Variants in MED12L observed in about 807,000 individuals in gnomAD.
MED12L encodes mediator complex subunit 12L, also known as mediator of RNA polymerase II transcription subunit 12-like protein.
Under a neutral mutation model 281.3 loss-of-function variants are expected in MED12L, and 60 were observed. The ratio of observed to expected loss-of-function variants is 0.21; its 90% CI spans 0.17 to 0.26. MED12L has a LOEUF of 0.26. Ranked by LOEUF, MED12L falls within the 10% of genes least tolerant of loss-of-function variation. MED12L has a pLI of 1.00. For synonymous variants in MED12L, 974 were observed against 987.2 expected (o/e 0.99, Z 0.25); for missense variants, 2,146 against 2,680.9 (o/e 0.80, Z 4.41).
intron 16 of MED12L, chr3:151,300,344 T>C: frequency 1.7e-6 from 1 of 577,820 alleles, no homozygotes; most frequent in Non-Finnish European, 3.1e-6. Flanking sequence ...CACACAGAGT[T>C]GCCCTCTTTC....
chr3:151,180,824 A>G (rs1167695598), intron 11 of MED12L, among the ~76,000 whole-genome samples: 1 of 152,226 alleles, frequency 6.6e-6, no homozygotes, highest in Non-Finnish European at 1.5e-5. Context: ...GACATTTTGT[A>G]AATTTAATTT....
At chr3:151,338,529 A>G in intron 16 of MED12L, 5 of 1,614,030 alleles carry the variant, frequency 3.1e-6, no homozygotes, top group Non-Finnish European at 4.2e-6. Context: ...ATACATTGTG[A>G]AATAAAATAT....
chr3:151,140,040 G>A (rs1716704278), intron 5 of MED12L, among the ~76,000 whole-genome samples: 1 of 152,150 alleles, frequency 6.6e-6, no homozygotes, highest in Admixed American at 6.5e-5. Flanking sequence ...GAAGTTTAAG[G>A]AATGCCATCT....
At chr3:151,371,171 T>C (rs1178234023) in intron 26 of MED12L, among the ~76,000 whole-genome samples, 1 of 152,200 alleles carries the variant, frequency 6.6e-6, no homozygotes, top group African/African-American at 2.4e-5. Flanking sequence ...TCTTTTCTTA[T>C]TTGCAGAAGC....
intron 39 of MED12L, among the ~76,000 whole-genome samples, chr3:151,395,963 T>C (rs1714910220): frequency 6.6e-6 from 1 of 152,206 alleles, no homozygotes; most frequent in Non-Finnish European, 1.5e-5. Flanking sequence ...TTAGTCATTA[T>C]AAGGACAAGA....
intron 43 of MED12L, among the ~76,000 whole-genome samples, chr3:151,423,526 C>A (rs914219181): frequency 4.3e-4 from 65 of 152,122 alleles, no homozygotes; most frequent in African/African-American, 1.5e-3. Context: ...CATCTACTTA[C>A]TTCAGTTGCT....
rs1044755371 is a variant in MED12L, at chr3:151,434,551, G to T, written c.*1747G>T. On this transcript the variant is annotated 3_prime_UTR_variant, in exon 45 of 45. Transcript: ENST00000687756. ...GTATCATCTATCTGTACACATTTTTGCTGGTTTTGTATATCAGATTTTTTC... is the reference window on the plus strand; with the variant it reads ...GTATCATCTATCTGTACACATTTTTTCTGGTTTTGTATATCAGATTTTTTC... 6.6e-6 allele frequency: 1 copy of T among 152,168 alleles called. No homozygotes were observed. Among genetic ancestry groups the T allele is most frequent in the South Asian group, 2.1e-4 (1 of 4,836 alleles). The allele number at this position is 152,168 out of a possible 1,614,324, so 9.4% of individuals were successfully genotyped here.
In MED12L at chr3:151,388,104, A is replaced by G. The variant is rs1271234412; in HGVS notation, c.5383A>G (p.Thr1795Ala). The change falls in exon 37 of 45, where the codon ACC becomes GCC. Residue 1795 changes from threonine to alanine, a missense_variant. This residue lies in a region of MED12L where 496 missense variants were observed against 512.0 expected (regional missense o/e 0.97). Transcript: ENST00000687756. ...KSAELSDQGK[T>A]TTDEEKKTKG... ...CGCTGAGCTGTCAGATCAGGGAAAAACCACAACAGATGAAGAAAAGAAAAC... is the reference window on the plus strand; with the variant it reads ...CGCTGAGCTGTCAGATCAGGGAAAAGCCACAACAGATGAAGAAAAGAAAAC... The G allele has an allele frequency of 6.2e-7, 1 of 1,613,522 alleles. No homozygotes were observed. The highest frequency in any genetic ancestry group is 8.5e-7 in the Non-Finnish European group (1 of 1,179,976).
Position 151,086,911 on chromosome 3 carries a change from G to A in MED12L, c.-16G>A, listed in dbSNP as rs1719300198. The stretch of plus-strand genomic sequence containing the variant: ...GCTCCAACTCTCATTCATTTCGCCG[G>A]TTAACATGAGAGATCATGGCCGCCT... On this transcript the variant is annotated 5_prime_UTR_variant, in exon 2 of 45. Coordinates refer to ENST00000687756, the MANE Select transcript of MED12L (RefSeq NM_001393769.1). 1 of 1,570,658 alleles carries A rather than the reference G, an allele frequency of 6.4e-7. No individual in the cohort carries two copies.
At chr3:151,269,977 C>G (rs1740570799) in intron 16 of MED12L, 2 of 314,302 alleles carry the variant, frequency 6.4e-6, no homozygotes, top group Admixed American at 8.6e-5. Flanking sequence ...TACAGTACTA[C>G]TTGGTTTTCA....
chr3:151,123,031 T>G, intron 4 of MED12L, 57 bp downstream of exon 4: 1 of 1,365,752 alleles, frequency 7.3e-7, no homozygotes, highest in Non-Finnish European at 1.0e-6. Flanking sequence ...CTGTTTGGGA[T>G]AATATTCAAG....
intron 16 of MED12L, among the ~76,000 whole-genome samples, chr3:151,207,009 T>C (rs755046526): frequency 6.6e-6 from 1 of 151,998 alleles, no homozygotes; most frequent in African/African-American, 2.4e-5. Flanking sequence ...TCCAGGAGAA[T>C]GTTCTTTGGA....
chr3:151,156,872 G>A (rs1470163039), intron 6 of MED12L, among the ~76,000 whole-genome samples: 1 of 152,152 alleles, frequency 6.6e-6, no homozygotes, highest in Non-Finnish European at 1.5e-5. Context: ...GGTAAGGTAA[G>A]AGAGATGACT....
intron 39 of MED12L, among the ~76,000 whole-genome samples, chr3:151,395,850 T>G (rs1714889958): frequency 6.6e-6 from 1 of 152,238 alleles, no homozygotes; most frequent in African/African-American, 2.4e-5. Context: ...AAATATTCTT[T>G]GTCTTTTGGA....
chr3:151,334,196 C>CCATTT (rs1750689705), intron 16 of MED12L, among the ~76,000 whole-genome samples: 1 of 118,230 alleles, frequency 8.5e-6, no homozygotes, highest in African/African-American at 3.2e-5. Flanking sequence ...TTCTTTCTTT[C>CCATTT]TTTTTTTTTT....
At chr3:151,198,328 C>A in intron 16 of MED12L, 1 of 943,320 alleles carries the variant, frequency 1.1e-6, no homozygotes, top group Non-Finnish European at 1.5e-6. Context: ...TTTTTTCATA[C>A]TGAGTTTTTT....
chr3:151,129,896 G>T (rs1371991288), intron 5 of MED12L, among the ~76,000 whole-genome samples: 1 of 152,086 alleles, frequency 6.6e-6, no homozygotes, highest in African/African-American at 2.4e-5. Context: ...AGCCTCTCAA[G>T]TTGTTGGGAC....
chr3:151,361,893 A>G lies in MED12L; in HGVS notation c.2957+1288A>G, dbSNP rs191714015. On this transcript the variant is annotated intron_variant, in intron 21 of 44. Transcript: ENST00000687756. ...ACTTGCTACCCCCACAGGCAGCACT[A>G]GGGCTGGAAAGTAAATGCTTATTTA... Among the ~76,000 whole-genome samples the G allele has an allele frequency of 4.6e-5, 7 of 152,256 alleles. No homozygotes were observed. The East Asian group carries it at 1.4e-3, about 29-fold the overall frequency.
chr3:151,328,557 T>G, intron 16 of MED12L: 1 of 1,613,786 alleles, frequency 6.2e-7, no homozygotes, highest in Non-Finnish European at 8.5e-7. Context: ...AAGAACCAGA[T>G]GAAGATTGAG....
Sources: gnomAD v4.1 joint callset for allele counts (sites outside exome capture counted in the v4.1 genomes callset) on GRCh38, gnomAD v4.1.1 for gene constraint, gnomAD v4.1.1 regional missense constraint, MANE v1.5 for transcripts, NCBI Gene and HGNC (gene_info 2026-07-23, HGNC 2026-07-21) for gene names.